The following RBL2 variants were observed in gnomAD, a reference collection of about 807,000 sequenced individuals.
The protein encoded by RBL2 is retinoblastoma-like protein 2.
A neutral mutation model predicts 126.0 loss-of-function variants in RBL2; 56 were observed. The ratio of observed to expected loss-of-function variants is 0.44; its 90% CI spans 0.36 to 0.56. The LOEUF is 0.56. RBL2 is among the 20% of genes least tolerant of loss of function. The pLI, the probability that RBL2 is intolerant of heterozygous loss-of-function variation, is 0.00. For synonymous variants in RBL2, 454 were observed against 478.5 expected, an observed-to-expected ratio of 0.95 and a Z score of 0.67; for missense variants, 1,229 against 1,398.2, an observed-to-expected ratio of 0.88 and a Z score of 1.93.
chr16:53,465,293 G>A (rs1252695740), intron 12 of RBL2, 145 bp from the exon 13 acceptor site: 1 of 527,334 alleles, frequency 1.9e-6, no homozygotes. Context: ...TTCATAGTTT[G>A]AACTATAATT....
At chr16:53,472,595 GTTA>G (rs1295806065) in intron 17 of RBL2, among the ~76,000 whole-genome samples, 3 of 152,140 alleles carry the variant, frequency 2.0e-5, no homozygotes, top group Admixed American at 6.5e-5. Flanking sequence ...TTAAAATTAT[GTTA>G]TTATTGAGTT....
Position 53,459,578 on chromosome 16 carries a change from T to C in RBL2, c.1307T>C (p.Leu436Pro). Reference sequence around the variant, plus strand: ...CGTCTTCACACCATGCTGACAGGCCTCAGGAATGCACCAAGTGAGAAACTG... The same window carrying C: ...CGTCTTCACACCATGCTGACAGGCCCCAGGAATGCACCAAGTGAGAAACTG... Reference protein sequence around the residue: ...LSRLHTMLTGLRNAPSEKLEQ... With the variant: ...LSRLHTMLTGPRNAPSEKLEQ... Residue 436 changes from leucine (L) to proline (P), a missense_variant, in exon 9 of 22, where the codon CTC (leucine) becomes CCC (proline). Coordinates refer to ENST00000262133, the MANE Select transcript of RBL2 (RefSeq NM_005611.4). The C allele has an allele frequency of 6.3e-7, 1 of 1,588,158 alleles. No homozygotes were observed. Among genetic ancestry groups the C allele is most frequent in the Non-Finnish European group, 8.5e-7 (1 of 1,171,230 alleles).
At chr16:53,486,942 T>C (rs1448633850) in intron 21 of RBL2, among the ~76,000 whole-genome samples, 2 of 152,148 alleles carry the variant, frequency 1.3e-5, no homozygotes, top group Admixed American at 1.3e-4. Context: ...AATAAAAAAT[T>C]GAATACCATA....
intron 14 of RBL2, among the ~76,000 whole-genome samples, 168 bp downstream of exon 14, chr16:53,467,337 A>G (rs2058281859): frequency 6.6e-6 from 1 of 152,212 alleles, no homozygotes; most frequent in Admixed American, 6.5e-5. Context: ...CTAAGAACAC[A>G]GGAAAATGCA....
chr16:53,446,595 A>G (rs2058064344), intron 3 of RBL2, among the ~76,000 whole-genome samples: 2 of 152,330 alleles, frequency 1.3e-5, no homozygotes, highest in South Asian at 4.1e-4. Flanking sequence ...CATAATTTAC[A>G]TTAAAAAGGC....
At position 53,491,233 on chromosome 16, in the gene RBL2, T is replaced by TTATC. The variant is rs1961428673; in HGVS notation, c.*936_*939dup. ...TATGACCTCTTCCTTTAGGAGGGAG[T>TTATC]TATCTAAAAGAAATGTCTATTAAGG... is the stretch of plus-strand genomic sequence containing the variant. On this transcript the variant is annotated 3_prime_UTR_variant, in exon 22 of 22. Transcript: ENST00000262133. The TTATC allele has an allele frequency of 6.6e-6, 1 of 152,120 alleles. No homozygotes were observed. The highest frequency in any genetic ancestry group is 6.5e-5 in the Admixed American group (1 of 15,268). The allele number at this position is 152,120 out of a possible 1,614,324, so 9.4% of individuals were successfully genotyped here.
At chr16:53,452,767 G>A (rs1463215330) in intron 5 of RBL2, among the ~76,000 whole-genome samples, 4 of 151,956 alleles carry the variant, frequency 2.6e-5, no homozygotes, top group Admixed American at 2.6e-4. Flanking sequence ...CCTGGGCTCA[G>A]ATGATCCTCT....
At chr16:53,438,202 C>G (rs1283997207) in intron 1 of RBL2, among the ~76,000 whole-genome samples, 2 of 152,018 alleles carry the variant, frequency 1.3e-5, no homozygotes, top group Non-Finnish European at 2.9e-5. Flanking sequence ...GTCAAAATGA[C>G]TGGTACCTCA....
At chr16:53,475,465 C>T (rs1156825114) in intron 17 of RBL2, among the ~76,000 whole-genome samples, 1 of 152,200 alleles carries the variant, frequency 6.6e-6, no homozygotes, top group Non-Finnish European at 1.5e-5. Flanking sequence ...ATCCATCCAC[C>T]TTGGCCTCCC....
intron 3 of RBL2, among the ~76,000 whole-genome samples, chr16:53,446,380 A>G (rs2058062267): frequency 6.6e-6 from 1 of 152,134 alleles, no homozygotes; most frequent in Non-Finnish European, 1.5e-5. Flanking sequence ...ATCTAATCTA[A>G]TCTTCTCCAC....
At chr16:53,435,238 CT>C (rs1326784014) in intron 1 of RBL2, among the ~76,000 whole-genome samples, 1 of 151,666 alleles carries the variant, frequency 6.6e-6, no homozygotes, top group Non-Finnish European at 1.5e-5. Flanking sequence ...TCGCTTCCCC[CT>C]GTTAACCAAA....
chr16:53,443,569 C>T (rs903671266), intron 3 of RBL2, among the ~76,000 whole-genome samples: 1 of 152,158 alleles, frequency 6.6e-6, no homozygotes, highest in African/African-American at 2.4e-5. Flanking sequence ...TGCTCTGACT[C>T]AGTGTTTTCT....
In RBL2 at chr16:53,490,598, T is replaced by C. The variant is rs143696546; in HGVS notation, c.*298T>C. ...TTAGAAATACTGCAAGAAAATGATG[T>C]GTACCCAAACGTGAGCATAGGAGGC... is the stretch of plus-strand genomic sequence containing the variant. On this transcript the variant is annotated 3_prime_UTR_variant, in exon 22 of 22. Coordinates refer to ENST00000262133, the MANE Select transcript of RBL2 (RefSeq NM_005611.4). 984 of 260,058 alleles carry C rather than the reference T, an allele frequency of 3.8e-3. 9 individuals are homozygous for C. The highest frequency in any genetic ancestry group is 0.021 in the African/African-American group (932 of 45,448). 16.1% of individuals were successfully genotyped at this position (260,058 alleles called of 1,614,324 possible). A position where few individuals can be genotyped will look rare whatever the true frequency, so the allele number is the denominator to read the frequency against.
chr16:53,435,093 C>G (rs778041455), intron 1 of RBL2, among the ~76,000 whole-genome samples: 3 of 152,114 alleles, frequency 2.0e-5, no homozygotes, highest in Admixed American at 2.0e-4. Context: ...GCCCATCTGA[C>G]CCCCCGCCCG....
chr16:53,450,526 G>C (rs1014721873), intron 4 of RBL2, among the ~76,000 whole-genome samples: 2 of 152,162 alleles, frequency 1.3e-5, no homozygotes, highest in Non-Finnish European at 2.9e-5. Flanking sequence ...TGGGCTTGAA[G>C]TTATAAAATA....
rs115214687 is a variant in RBL2, at chr16:53,465,378, G to T, written c.1699-60G>T. 1.2e-3 allele frequency: 1,348 copies of T among 1,147,924 alleles called. 13 individuals carry two copies. The African/African-American group carries it at 0.02, about 17-fold the overall frequency. The allele number at this position is 1,147,924 out of a possible 1,614,324, so 71.1% of individuals were successfully genotyped here. ...AACTTGTAATTTTGACTAATTTCTTGTCTAAATATTTAAAAATATTTAATA... is the reference window on the plus strand; with the variant it reads ...AACTTGTAATTTTGACTAATTTCTTTTCTAAATATTTAAAAATATTTAATA... On this transcript the variant is annotated intron_variant, in intron 12 of 21. Coordinates refer to ENST00000262133, the MANE Select transcript of RBL2 (RefSeq NM_005611.4).
chr16:53,452,644 T>C (rs1312825144), intron 5 of RBL2, among the ~76,000 whole-genome samples: 1 of 152,146 alleles, frequency 6.6e-6, no homozygotes, highest in Non-Finnish European at 1.5e-5. Flanking sequence ...CTTTCACTTT[T>C]ATCTTTTTTT....
Position 53,480,557 on chromosome 16 carries a change from C to T in RBL2, c.2882-10C>T. ...CTTTGTACTGACAGCCTTTGTTCTC[C>T]TGGCTGCAGCCAGTAGAGACTCCAG... is the stretch of plus-strand genomic sequence containing the variant. On this transcript the variant is annotated splice_polypyrimidine_tract_variant and intron_variant, in intron 19 of 21. Transcript: ENST00000262133. 1 of 1,606,808 alleles carries T rather than the reference C, an allele frequency of 6.2e-7. No individual in the cohort carries two copies. Among genetic ancestry groups the T allele is most frequent in the Non-Finnish European group, 8.5e-7 (1 of 1,176,836 alleles).
In RBL2 at chr16:53,459,495, C is replaced by T. The variant is rs762597376; in HGVS notation, c.1224C>T (p.Tyr408=). The T allele has an allele frequency of 1.2e-6, 2 of 1,613,288 alleles. No homozygotes were observed. The highest frequency in any genetic ancestry group is 2.2e-5 in the South Asian group (2 of 90,920). Residue 408 remains tyrosine (Y), a synonymous_variant, in exon 9 of 22, where the codon TAC becomes TAT. Coordinates refer to ENST00000262133, the MANE Select transcript of RBL2 (RefSeq NM_005611.4). ...RISTPLTGVR[Y]IKENSPCVTP... is the part of the protein sequence containing the mutation. ...CCACACCACTAACTGGTGTTAGGTACATTAAGGAGAATAGCCCTTGTGTGA... is the reference window on the plus strand; with the variant it reads ...CCACACCACTAACTGGTGTTAGGTATATTAAGGAGAATAGCCCTTGTGTGA...
Sources: allele counts gnomAD v4.1 joint callset (sites outside exome capture counted in the v4.1 genomes callset), GRCh38; gene constraint gnomAD v4.1.1; transcripts MANE v1.5; gene names NCBI Gene and HGNC (gene_info 2026-07-23, HGNC 2026-07-21).